The following WWOX variants were observed in gnomAD, a reference collection of about 807,000 sequenced individuals.
WWOX encodes the protein WW domain containing oxidoreductase.
In WWOX, 69 loss-of-function variants were observed where a neutral mutation model predicts 46.2. That is an observed-to-expected ratio of 1.49 (90% CI 1.23 to 1.82). The LOEUF is 1.82. WWOX is among the 40% of genes most tolerant of loss of function. WWOX has a pLI of 0.00. For synonymous variants in WWOX, 359 were observed against 202.6 expected (o/e 1.77, Z -6.56); for missense variants, 919 against 542.6 (o/e 1.69, Z -6.89).
intron 8 of WWOX, among the ~76,000 whole-genome samples, chr16:78,633,953 C>T (rs1268525878): frequency 6.6e-6 from 1 of 151,264 alleles, no homozygotes; most frequent in African/African-American, 2.4e-5. Flanking sequence ...CTCTGCCGAC[C>T]AAAGGCTGAG....
intron 8 of WWOX, among the ~76,000 whole-genome samples, chr16:78,941,427 C>G (rs140305497): frequency 6.6e-6 from 1 of 151,452 alleles, no homozygotes; most frequent in African/African-American, 2.4e-5. Context: ...CGTTGCTCCT[C>G]GTAAGCGCAT....
intron 8 of WWOX, among the ~76,000 whole-genome samples, chr16:78,442,202 T>C (rs2083459981): frequency 6.6e-6 from 1 of 152,138 alleles, no homozygotes; most frequent in East Asian, 1.9e-4. Context: ...TCATATGCAT[T>C]GTGAAATGAC....
intron 4 of WWOX, among the ~76,000 whole-genome samples, chr16:78,126,500 C>T (rs562040404): frequency 2.6e-5 from 4 of 152,272 alleles, no homozygotes; most frequent in Non-Finnish European, 5.9e-5. Context: ...ATTGCCCTTT[C>T]ATCTTATATG....
At chr16:78,558,168 C>T (rs981328481) in intron 8 of WWOX, among the ~76,000 whole-genome samples, 1 of 152,152 alleles carries the variant, frequency 6.6e-6, no homozygotes, top group South Asian at 2.1e-4. Flanking sequence ...GCTGCTGCCA[C>T]CACCGCCTTC....
At chr16:78,907,221 C>T (rs1344411755) in intron 8 of WWOX, among the ~76,000 whole-genome samples, 1 of 152,010 alleles carries the variant, frequency 6.6e-6, no homozygotes. Flanking sequence ...TGCCCTGAAT[C>T]CGCTTCTGGG....
At chr16:78,363,158 G>GTGTGTA in intron 5 of WWOX, among the ~76,000 whole-genome samples, 1 of 152,242 alleles carries the variant, frequency 6.6e-6, no homozygotes, top group African/African-American at 2.4e-5. Flanking sequence ...GTGTGTGTGT[G>GTGTGTA]TGTGTATGTG....
chr16:78,592,341 C>T (rs746090350), intron 8 of WWOX, among the ~76,000 whole-genome samples: 2 of 152,200 alleles, frequency 1.3e-5, no homozygotes, highest in Non-Finnish European at 2.9e-5. Flanking sequence ...AACAAATAAA[C>T]ATTCAAGCAG....
intron 8 of WWOX, among the ~76,000 whole-genome samples, chr16:78,451,814 A>G (rs1052238094): frequency 6.6e-6 from 1 of 152,200 alleles, no homozygotes; most frequent in African/African-American, 2.4e-5. Context: ...ATCCCCAAAC[A>G]TATGGAGTTA....
At chr16:78,972,484 A>G (rs933852373) in intron 8 of WWOX, among the ~76,000 whole-genome samples, 27 of 147,640 alleles carry the variant, frequency 1.8e-4, no homozygotes, top group Admixed American at 1.6e-3. Flanking sequence ...AAAAAAAAAA[A>G]TAAAAGAACC....
intron 8 of WWOX, among the ~76,000 whole-genome samples, chr16:78,807,714 G>T (rs989951988): frequency 6.6e-6 from 1 of 152,330 alleles, no homozygotes; most frequent in Admixed American, 6.5e-5. Flanking sequence ...ACAACGTACT[G>T]TTACATAATT....
At chr16:78,676,108 A>G (rs745658892) in intron 8 of WWOX, among the ~76,000 whole-genome samples, 14 of 151,920 alleles carry the variant, frequency 9.2e-5, no homozygotes, top group Non-Finnish European at 2.1e-4. Flanking sequence ...TGGGACAGTA[A>G]TCAGACAACC....
chr16:78,445,696 G>A (rs1402138408), intron 8 of WWOX, among the ~76,000 whole-genome samples: 1 of 152,184 alleles, frequency 6.6e-6, no homozygotes, highest in Non-Finnish European at 1.5e-5. Context: ...AGCTAACACG[G>A]TGAAACCCTT....
intron 8 of WWOX, among the ~76,000 whole-genome samples, chr16:78,984,237 C>A (rs1010394737): frequency 6.6e-6 from 1 of 151,978 alleles, no homozygotes; most frequent in East Asian, 1.9e-4. Context: ...TGGCACATAC[C>A]CCTGTACATG....
At chr16:78,591,840 A>G (rs1048087858) in intron 8 of WWOX, among the ~76,000 whole-genome samples, 1 of 152,198 alleles carries the variant, frequency 6.6e-6, no homozygotes, top group South Asian at 2.1e-4. Flanking sequence ...ATGTAACTAG[A>G]GAAAAGGTAC....
At chr16:78,789,525 A>G (rs1488210117) in intron 8 of WWOX, among the ~76,000 whole-genome samples, 2 of 152,150 alleles carry the variant, frequency 1.3e-5, no homozygotes, top group African/African-American at 2.4e-5. Flanking sequence ...TCCTTATGCC[A>G]TTGCCACATT....
intron 8 of WWOX, among the ~76,000 whole-genome samples, chr16:78,557,722 G>T (rs1392739942): frequency 1.1e-5 from 1 of 87,342 alleles, no homozygotes; most frequent in Non-Finnish European, 2.0e-5. Flanking sequence ...TGAGACAGGA[G>T]TCTCACTCTG....
chr16:78,497,051 T>A (rs561438271), intron 8 of WWOX, among the ~76,000 whole-genome samples: 3 of 152,250 alleles, frequency 2.0e-5, no homozygotes, highest in African/African-American at 7.2e-5. Context: ...GCAGGGAGAT[T>A]TGGGGATGTT....
intron 8 of WWOX, among the ~76,000 whole-genome samples, chr16:78,567,483 G>T (rs1567649706): frequency 6.7e-6 from 1 of 150,132 alleles, no homozygotes; most frequent in Non-Finnish European, 1.5e-5. Flanking sequence ...AACCCGGGAG[G>T]CGGAGCTTGC....
At chr16:78,457,056 G>C (rs952831906) in intron 8 of WWOX, among the ~76,000 whole-genome samples, 1 of 152,314 alleles carries the variant, frequency 6.6e-6, no homozygotes, top group East Asian at 1.9e-4. Context: ...CACACAATAT[G>C]TGCCCACCCT....
Sources: allele counts gnomAD v4.1 joint callset (sites outside exome capture counted in the v4.1 genomes callset), GRCh38; gene constraint gnomAD v4.1.1; transcripts MANE v1.5; gene names NCBI Gene and HGNC (gene_info 2026-07-23, HGNC 2026-07-21).